DAB2: variants seen among roughly 807,000 people sequenced by gnomAD.
DAB2 encodes the protein disabled homolog 2.
Under a neutral mutation model 71.6 loss-of-function variants are expected in DAB2, and 28 were observed. That is an observed-to-expected ratio of 0.39 (90% CI 0.29 to 0.54). DAB2 has a LOEUF of 0.54. DAB2 is among the 20% of genes least tolerant of loss of function. The pLI, the probability that DAB2 is intolerant of heterozygous loss-of-function variation, is 0.68. For missense variants in DAB2, 867 were observed against 928.8 expected (o/e 0.93, Z 0.86); for synonymous variants, 345 against 339.7 (o/e 1.02, Z -0.17).
intron 4 of DAB2, among the ~76,000 whole-genome samples, chr5:39,391,455 G>C (rs918508828): frequency 6.6e-6 from 1 of 152,136 alleles, no homozygotes; most frequent in African/African-American, 2.4e-5. Flanking sequence ...CTGATAAAGA[G>C]AGTGGTGCCT....
intron 1 of DAB2, among the ~76,000 whole-genome samples, chr5:39,410,323 T>C (rs1356882915): frequency 2.0e-5 from 3 of 152,186 alleles, no homozygotes; most frequent in African/African-American, 7.2e-5. Flanking sequence ...TCTAGTTTTC[T>C]TTCCCAAAGG....
intron 6 of DAB2, among the ~76,000 whole-genome samples, 184 bp downstream of exon 6, chr5:39,389,668 C>T (rs1347851673): frequency 6.6e-6 from 1 of 152,040 alleles, no homozygotes; most frequent in Non-Finnish European, 1.5e-5. Context: ...CCCACCACCA[C>T]CCCTGGCTAA....
At position 39,371,762 on chromosome 5, in the gene DAB2, A is replaced by C. The variant is rs1754704874; in HGVS notation, c.*1669T>G. On this transcript the variant is annotated 3_prime_UTR_variant, in exon 15 of 15. Coordinates refer to ENST00000320816, the MANE Select transcript of DAB2 (RefSeq NM_001343.4). ...AGTGCATGAGAAAATAAGTATGTAC[A>C]AAACAGTTGTGTGGCTGATCATGAC... is the stretch of plus-strand genomic sequence containing the variant. 6.6e-6 allele frequency: 1 copy of C among 152,254 alleles called. No individual in the cohort carries two copies. The highest frequency in any genetic ancestry group is 2.4e-5 in the African/African-American group (1 of 41,466). 9.4% of individuals were successfully genotyped at this position (152,254 alleles called of 1,614,324 possible). A position where few individuals can be genotyped will look rare whatever the true frequency, so the allele number is the denominator to read the frequency against.
At chr5:39,376,394 A>G (rs892716504) in intron 12 of DAB2, among the ~76,000 whole-genome samples, 3 of 152,152 alleles carry the variant, frequency 2.0e-5, no homozygotes, top group Non-Finnish European at 4.4e-5. Flanking sequence ...CAGTCATCAC[A>G]TTTCAATAGC....
chr5:39,412,364 G>A (rs576942533), intron 1 of DAB2, among the ~76,000 whole-genome samples: 2 of 152,218 alleles, frequency 1.3e-5, no homozygotes, highest in Non-Finnish European at 2.9e-5. Context: ...TTAGAGACTA[G>A]AAACCAAGTT....
intron 5 of DAB2, 47 bp downstream of exon 5, chr5:39,390,397 T>G: frequency 6.3e-7 from 1 of 1,586,348 alleles, no homozygotes; most frequent in Non-Finnish European, 8.6e-7. Flanking sequence ...CACTCCAATG[T>G]CCACAGAGGA....
At chr5:39,377,318 C>G (rs374827917) in intron 11 of DAB2, 36 bp from the exon 12 acceptor site, 2 of 1,572,562 alleles carry the variant, frequency 1.3e-6, no homozygotes, top group Non-Finnish European at 1.7e-6. Context: ...TATCAGGAGT[C>G]AAGCTTGAAG....
intron 1 of DAB2, among the ~76,000 whole-genome samples, chr5:39,424,182 C>T (rs904019177): frequency 6.6e-6 from 1 of 152,060 alleles, no homozygotes; most frequent in Non-Finnish European, 1.5e-5. Context: ...ATCTTTTTAA[C>T]CAGCTTACAA....
At chr5:39,388,974 A>C in intron 7 of DAB2, 122 bp from the exon 8 acceptor site, 1 of 1,310,038 alleles carries the variant, frequency 7.6e-7, no homozygotes, top group Non-Finnish European at 1.1e-6. Flanking sequence ...AACATCTTTC[A>C]TGATCAGAGA....
At position 39,381,542 on chromosome 5, in the gene DAB2, G is replaced by C. The variant is rs199767729; in HGVS notation, c.1416C>G (p.Pro472=). 6.2e-7 allele frequency: 1 copy of C among 1,614,116 alleles called. No homozygotes were observed. Among genetic ancestry groups the C allele is most frequent in the Non-Finnish European group, 8.5e-7 (1 of 1,179,980 alleles). Residue 472 remains proline, a synonymous_variant, in exon 11 of 15, where the codon CCC becomes CCG. Coordinates refer to ENST00000320816, the MANE Select transcript of DAB2 (RefSeq NM_001343.4). ...GCTGCAGGGCTGTAGGTTGTCCTGT[G>C]GGTGACGCCTGGCCTGAAGGTTCTG... ...PVSEPSGQAS[P]TGQPTALQPN...
At chr5:39,381,715 C>T in intron 10 of DAB2, 99 bp from the exon 11 acceptor site, 3 of 1,364,224 alleles carry the variant, frequency 2.2e-6, no homozygotes, top group South Asian at 1.5e-5. Flanking sequence ...TTGAGAGCCA[C>T]AAAAAGGAAA....
intron 1 of DAB2, among the ~76,000 whole-genome samples, chr5:39,416,059 A>T (rs1313777207): frequency 2.7e-5 from 4 of 145,622 alleles, no homozygotes; most frequent in Non-Finnish European, 6.1e-5. Context: ...TCCCCATCAT[A>T]TTTTTTTTTT....
intron 1 of DAB2, among the ~76,000 whole-genome samples, chr5:39,418,550 G>A (rs1755901399): frequency 6.6e-6 from 1 of 152,130 alleles, no homozygotes; most frequent in Non-Finnish European, 1.5e-5. Context: ...TTTGGGTATG[G>A]ATTAACTATA....
chr5:39,391,965 CAA>C (rs10708821), intron 4 of DAB2, among the ~76,000 whole-genome samples: 40,912 of 141,114 alleles, frequency 0.29, 6,018 homozygotes, highest in African/African-American at 0.38. Context: ...TACCCGAGGT[CAA>C]AAAAAAAAAA....
At position 39,373,880 on chromosome 5, in the gene DAB2, G is replaced by C. The variant is rs146963799; in HGVS notation, c.*6-455C>G. 4.6e-5 allele frequency among the ~76,000 whole-genome samples: 7 copies of C among 152,196 alleles called. No individual in the cohort carries two copies. In the East Asian group the frequency reaches 1.2e-3, roughly 25 times the overall value. ...TCTACTTACTGCTTTATTACCTTTA[G>C]AATCACCTGCACTCTTGTTAAAAGG... On this transcript the variant is annotated intron_variant, in intron 14 of 14. Transcript: ENST00000320816.
At chr5:39,402,127 C>T (rs911152683) in intron 1 of DAB2, among the ~76,000 whole-genome samples, 11 of 152,084 alleles carry the variant, frequency 7.2e-5, no homozygotes, top group Non-Finnish European at 1.3e-4. Flanking sequence ...ACCAAGAGAA[C>T]AGTATGGGGG....
chr5:39,402,838 C>T (rs963961573), intron 1 of DAB2, among the ~76,000 whole-genome samples: 32 of 152,222 alleles, frequency 2.1e-4, no homozygotes, highest in Non-Finnish European at 3.8e-4. Flanking sequence ...GAAACAGACT[C>T]TGGGAACAAA....
At chr5:39,415,882 C>A (rs1755832820) in intron 1 of DAB2, among the ~76,000 whole-genome samples, 1 of 152,166 alleles carries the variant, frequency 6.6e-6, no homozygotes, top group Non-Finnish European at 1.5e-5. Context: ...AACAGCATTA[C>A]AGAATGTACT....
At position 39,388,309 on chromosome 5, in the gene DAB2, G is replaced by T; in HGVS notation, c.683C>A (p.Pro228Gln). ...DMSTPPDLNS[P>Q]TESKDILLVD... is the part of the protein sequence containing the mutation. ...AATTTAAAAACAAACACTTACTGTT[G>T]GACTATTTAGGTCAGGAGGTGTAGA... is the stretch of plus-strand genomic sequence containing the variant. The change falls in exon 9 of 15, where the codon CCA becomes CAA. Residue 228 changes from proline to glutamine, a missense_variant. Coordinates refer to ENST00000320816, the MANE Select transcript of DAB2 (RefSeq NM_001343.4). The T allele has an allele frequency of 6.2e-7, 1 of 1,607,248 alleles. No individual in the cohort carries two copies. The highest frequency in any genetic ancestry group is 8.5e-7 in the Non-Finnish European group (1 of 1,175,556).
Sources: allele counts gnomAD v4.1 joint callset (sites outside exome capture counted in the v4.1 genomes callset), GRCh38; gene constraint gnomAD v4.1.1; transcripts MANE v1.5; gene names NCBI Gene and HGNC (gene_info 2026-07-23, HGNC 2026-07-21).